Variants in E2F6 observed in about 807,000 individuals in gnomAD.
E2F6 encodes E2F transcription factor 6, also known as transcription factor E2F6.
Under a neutral mutation model 31.5 loss-of-function variants are expected in E2F6, and 19 were observed. The ratio of observed to expected loss-of-function variants is 0.60; its 90% CI spans 0.42 to 0.89. E2F6 has a LOEUF of 0.89. E2F6 is among the 40% of genes least tolerant of loss of function. The probability of loss-of-function intolerance (pLI) is 0.00; values close to 1 mark genes in which losing one functional copy is unlikely to be tolerated. For missense variants in E2F6, 269 were observed against 341.6 expected (o/e 0.79, Z 1.67); for synonymous variants, 121 against 127.7 (o/e 0.95, Z 0.36).
chr2:11,448,719 T>TAATAATAATAATAATAA (rs1670876424), intron 5 of E2F6, among the ~76,000 whole-genome samples: 2 of 152,246 alleles, frequency 1.3e-5, no homozygotes, highest in Non-Finnish European at 2.9e-5. Context: ...AAATTAAGTG[T>TAATAATAATAATAATAA]TGTCAAACTT....
At chr2:11,456,575 G>C (rs78363247) in intron 2 of E2F6, among the ~76,000 whole-genome samples, 60 of 152,324 alleles carry the variant, frequency 3.9e-4, no homozygotes, top group African/African-American at 1.4e-3. Context: ...TCCATGCAGA[G>C]AGCTTAATGC....
chr2:11,450,375 C>A (rs759009409), intron 4 of E2F6, among the ~76,000 whole-genome samples: 1 of 151,860 alleles, frequency 6.6e-6, no homozygotes, highest in Non-Finnish European at 1.5e-5. Context: ...TCTTTAAGCT[C>A]TACTATTATG....
chr2:11,465,418 G>A (rs1331954987), intron 1 of E2F6, among the ~76,000 whole-genome samples: 1 of 152,122 alleles, frequency 6.6e-6, no homozygotes, highest in Admixed American at 6.5e-5. Flanking sequence ...TTAAACGGCT[G>A]CAGTAGAGCA....
chr2:11,465,464 G>T (rs1672104085), intron 1 of E2F6, among the ~76,000 whole-genome samples: 1 of 152,184 alleles, frequency 6.6e-6, no homozygotes, highest in Admixed American at 6.5e-5. Context: ...ACAAATGATA[G>T]GTTGCAGAGA....
chr2:11,459,488 G>GC (rs1014576042), intron 1 of E2F6, among the ~76,000 whole-genome samples: 1 of 151,282 alleles, frequency 6.6e-6, no homozygotes, highest in African/African-American at 2.4e-5. Flanking sequence ...GCATTCATTT[G>GC]TTTTTTTTTC....
chr2:11,451,342 AC>A (rs957122721), intron 4 of E2F6: 12 of 149,104 alleles, frequency 8.0e-5, no homozygotes, highest in African/African-American at 3.5e-4. Flanking sequence ...ACCAACTTTT[AC>A]CTAACTTTTT....
chr2:11,455,524 G>C (rs1490497887), intron 2 of E2F6: 2 of 1,172,126 alleles, frequency 1.7e-6, no homozygotes, highest in East Asian at 5.7e-5. Context: ...TTTTTAATCG[G>C]AAGTAGAGGG....
chr2:11,457,320 G>C (rs1299266982), intron 1 of E2F6, 87 bp from the exon 2 acceptor site: 1 of 846,660 alleles, frequency 1.2e-6, no homozygotes, highest in Non-Finnish European at 1.9e-6. Flanking sequence ...ATAAAGGTCT[G>C]GGAATATGAA....
At chr2:11,457,668 T>A (rs995116377) in intron 1 of E2F6, among the ~76,000 whole-genome samples, 1 of 152,042 alleles carries the variant, frequency 6.6e-6, no homozygotes, top group African/African-American at 2.4e-5. Flanking sequence ...ACACAAAATA[T>A]ACTGAATACA....
At chr2:11,447,891 T>C (rs1305159779) in intron 5 of E2F6, 117 bp from the exon 6 acceptor site, 1 of 1,180,214 alleles carries the variant, frequency 8.5e-7, no homozygotes, top group East Asian at 2.6e-5. Context: ...TGTAGTCACA[T>C]TACAGCACTG....
At chr2:11,453,450 A>G (rs1443522151) in intron 3 of E2F6, 132 bp downstream of exon 3, 1 of 854,110 alleles carries the variant, frequency 1.2e-6, no homozygotes, top group Non-Finnish European at 1.8e-6. Flanking sequence ...AAAATTTTAT[A>G]GAATTCTCTT....
At chr2:11,453,366 C>G (rs187536945) in intron 3 of E2F6, among the ~76,000 whole-genome samples, 2 of 152,102 alleles carry the variant, frequency 1.3e-5, no homozygotes, top group Non-Finnish European at 2.9e-5. Context: ...AACAAATTTT[C>G]CCAATATCAA....
intron 1 of E2F6, among the ~76,000 whole-genome samples, chr2:11,463,853 A>T (rs915440161): frequency 6.7e-6 from 1 of 148,552 alleles, no homozygotes; most frequent in African/African-American, 2.5e-5. Flanking sequence ...TGGGAGTTGG[A>T]GGCAGAAGGA....
At chr2:11,453,513 AGT>A (rs1671202115) in intron 3 of E2F6, 67 bp downstream of exon 3, 6 of 1,376,144 alleles carry the variant, frequency 4.4e-6, no homozygotes, top group Non-Finnish European at 6.2e-6. Context: ...GCCACTATCT[AGT>A]TTAAGCATGG....
chr2:11,448,615 T>A (rs1216885358), intron 5 of E2F6, among the ~76,000 whole-genome samples: 1 of 152,168 alleles, frequency 6.6e-6, no homozygotes, highest in African/African-American at 2.4e-5. Context: ...CTAGAGAACA[T>A]CTGTGCTCAG....
At chr2:11,453,459 T>G in intron 3 of E2F6, 123 bp downstream of exon 3, 1 of 914,708 alleles carries the variant, frequency 1.1e-6, no homozygotes, top group Non-Finnish European at 1.7e-6. Flanking sequence ...TAGAATTCTC[T>G]TCTAACAAGA....
In E2F6 at chr2:11,453,713, G is replaced by A. The variant is rs61758458; in HGVS notation, c.249C>T (p.Pro83=). 3.5e-4 allele frequency: 566 copies of A among 1,614,076 alleles called. 2 individuals are homozygous for A. In the South Asian group the frequency reaches 4.6e-3, roughly 13 times the overall value. ...RKFMDLVRSA[P]GGILDLNKVA... Reference sequence around the variant, plus strand: ...CCTTGTTTAAGTCAAGAATACCCCCGGGAGCAGATCTGACAAGATCCATAA... The same window carrying A: ...CCTTGTTTAAGTCAAGAATACCCCCAGGAGCAGATCTGACAAGATCCATAA... The change falls in exon 3 of 7, where the codon CCC becomes CCT. Residue 83 remains proline (P), a synonymous_variant. Transcript: ENST00000381525.
chr2:11,450,432 C>G (rs1017076524), intron 4 of E2F6, among the ~76,000 whole-genome samples: 2 of 151,880 alleles, frequency 1.3e-5, no homozygotes, highest in African/African-American at 4.8e-5. Flanking sequence ...AGTCTGAGTC[C>G]CTAACACAAA....
At chr2:11,448,923 C>T (rs1670891070) in intron 5 of E2F6, among the ~76,000 whole-genome samples, 1 of 152,148 alleles carries the variant, frequency 6.6e-6, no homozygotes, top group Non-Finnish European at 1.5e-5. Flanking sequence ...GCCAGTTTGC[C>T]ACCCATCACA....
Sources: allele counts gnomAD v4.1 joint callset (sites outside exome capture counted in the v4.1 genomes callset), GRCh38; gene constraint gnomAD v4.1.1; transcripts MANE v1.5; gene names NCBI Gene and HGNC (gene_info 2026-07-23, HGNC 2026-07-21).